CFAP54: variants seen among roughly 807,000 people sequenced by gnomAD.
The protein encoded by CFAP54 is cilia and flagella associated protein 54.
In CFAP54, 290 loss-of-function variants were observed where a neutral mutation model predicts 370.4. The observed-to-expected ratio is 0.78, with a 90% confidence interval of 0.71 to 0.86. The LOEUF (loss-of-function observed/expected upper bound fraction) is 0.86, where lower values mean the gene tolerates loss of function less well. Ranked by LOEUF, CFAP54 falls within the 40% of genes least tolerant of loss-of-function variation. CFAP54 has a pLI of 0.00. For synonymous variants in CFAP54, 1,206 were observed against 1,236.5 expected, an observed-to-expected ratio of 0.98 and a Z score of 0.52; for missense variants, 3,399 against 3,528.7, an observed-to-expected ratio of 0.96 and a Z score of 0.93.
At chr12:96,670,236 C>T (rs6538732) in intron 39 of CFAP54, among the ~76,000 whole-genome samples, 134,982 of 152,240 alleles carry the variant, frequency 0.89, 60,099 homozygotes, top group East Asian at 0.96. Flanking sequence ...GTACATATAC[C>T]GTATGCTTTA....
chr12:96,585,116 C>A (rs544852049), intron 22 of CFAP54, among the ~76,000 whole-genome samples: 16 of 151,610 alleles, frequency 1.1e-4, no homozygotes, highest in African/African-American at 3.9e-4. Flanking sequence ...CGATGTTTGA[C>A]AACTGACTTG....
intron 66 of CFAP54, among the ~76,000 whole-genome samples, chr12:96,854,785 A>G (rs1331745143): frequency 6.6e-6 from 1 of 152,190 alleles, no homozygotes; most frequent in African/African-American, 2.4e-5. Flanking sequence ...TGATATAGGA[A>G]CTATTATAAT....
chr12:96,769,120 A>C (rs1958430013), intron 60 of CFAP54, among the ~76,000 whole-genome samples: 1 of 152,234 alleles, frequency 6.6e-6, no homozygotes, highest in Non-Finnish European at 1.5e-5. Context: ...AATTCAATGC[A>C]AAGAAACCTT....
chr12:96,563,210 T>C (rs1261154618), intron 17 of CFAP54, among the ~76,000 whole-genome samples: 1 of 152,228 alleles, frequency 6.6e-6, no homozygotes, highest in Non-Finnish European at 1.5e-5. Context: ...TTAAAGATAT[T>C]GATGCAAGAC....
At chr12:96,530,526 A>C (rs1955430714) in intron 9 of CFAP54, among the ~76,000 whole-genome samples, 1 of 152,116 alleles carries the variant, frequency 6.6e-6, no homozygotes, top group Non-Finnish European at 1.5e-5. Context: ...GTTACTGCTG[A>C]GTATTATTTT....
At chr12:96,833,184 T>C (rs1458306839) in intron 66 of CFAP54, among the ~76,000 whole-genome samples, 1 of 152,182 alleles carries the variant, frequency 6.6e-6, no homozygotes, top group Non-Finnish European at 1.5e-5. Context: ...TGATTTCTGG[T>C]GAGGCAGCAA....
At chr12:96,824,408 T>A (rs927277462) in intron 65 of CFAP54, among the ~76,000 whole-genome samples, 1 of 152,200 alleles carries the variant, frequency 6.6e-6, no homozygotes, top group Non-Finnish European at 1.5e-5. Context: ...GTGATGTGAA[T>A]TGATTAGTGA....
In CFAP54 at chr12:96,651,632, C is replaced by G; in HGVS notation, c.4917C>G (p.Cys1639Trp). 1.2e-6 allele frequency: 2 copies of G among 1,614,160 alleles called. No individual in the cohort carries two copies. The highest frequency in any genetic ancestry group is 1.7e-6 in the Non-Finnish European group (2 of 1,180,026). ...GCTATTGGACTCTGCTTCAGAACTG[C>G]TGTCGGGCCTTATGGAACTTTACTC... ...RGGYWTLLQN[C>W]CRALWNFTQE... The change falls in exon 36 of 68, where the codon TGC (cysteine) becomes TGG (tryptophan). Residue 1639 changes from cysteine to tryptophan, a missense_variant. Coordinates refer to ENST00000524981, the MANE Select transcript of CFAP54 (RefSeq NM_001306084.2).
In CFAP54 at chr12:96,538,444, A is replaced by T. The variant is rs541409055; in HGVS notation, c.1852A>T (p.Lys618Ter). 3.8e-4 allele frequency: 581 copies of T among 1,536,048 alleles called. 1 individual carries two copies. Among genetic ancestry groups the T allele is most frequent in the Non-Finnish European group, 4.4e-4 (505 of 1,146,760 alleles). ...DTIMFLWQKC[K>*]LGIQRLNISR... Reference sequence around the variant, plus strand: ...GATAATGTTCCTATGGCAGAAATGCAAATTAGGAATTCAGCGGCTCAATAT... The same window carrying T: ...GATAATGTTCCTATGGCAGAAATGCTAATTAGGAATTCAGCGGCTCAATAT... Residue 618 changes from lysine (K) to a stop codon, truncating the protein, a stop_gained, in exon 13 of 68, where the codon AAA (lysine) becomes TAA (stop). Transcript: ENST00000524981. LOFTEE classifies it high-confidence loss of function.
intron 35 of CFAP54, among the ~76,000 whole-genome samples, chr12:96,651,045 A>G (rs1185375354): frequency 6.6e-6 from 1 of 152,134 alleles, no homozygotes; most frequent in Non-Finnish European, 1.5e-5. Context: ...CCACTTTCAC[A>G]TGACTTGTTC....
Position 96,647,946 on chromosome 12 carries a change from C to T in CFAP54, c.4619C>T (p.Thr1540Ile). 4 of 1,522,698 alleles carry T rather than the reference C, an allele frequency of 2.6e-6. No homozygotes were observed. The highest frequency in any genetic ancestry group is 3.5e-6 in the Non-Finnish European group (4 of 1,142,606). The allele number at this position is 1,522,698 out of a possible 1,614,324, so 94.3% of individuals were successfully genotyped here. A position where few individuals can be genotyped will look rare whatever the true frequency, so the allele number is the denominator to read the frequency against. The change falls in exon 34 of 68, where the codon ACT becomes ATT. Residue 1540 changes from threonine to isoleucine, a missense_variant. Around this residue, in one of 3 missense-constraint regions of CFAP54, gnomAD observed 2,796 missense variants for 2,869.7 expected, o/e 0.97. Coordinates refer to ENST00000524981, the MANE Select transcript of CFAP54 (RefSeq NM_001306084.2). Reference protein sequence around the residue: ...SGTVLPTRKLTVENYKAMLDF... With the variant: ...SGTVLPTRKLIVENYKAMLDF... ...ACAGTATTACCAACAAGAAAATTGA[C>T]TGTAGAAAATTATAAAGCAATGCTT...
At chr12:96,709,239 C>A (rs1957582271) in intron 48 of CFAP54, among the ~76,000 whole-genome samples, 1 of 152,106 alleles carries the variant, frequency 6.6e-6, no homozygotes, top group Non-Finnish European at 1.5e-5. Context: ...GCATGTGCAC[C>A]AATAGAGGAA....
In CFAP54 at chr12:96,658,364, C is replaced by G; in HGVS notation, c.5460+18C>G. On this transcript the variant is annotated intron_variant, in intron 38 of 67. Coordinates refer to ENST00000524981, the MANE Select transcript of CFAP54 (RefSeq NM_001306084.2). ...GAGAGAAGGTAAGTTTAAGTTAGTTCTATTATTCATGCTGTTGTGATTTCT... is the reference window on the plus strand; with the variant it reads ...GAGAGAAGGTAAGTTTAAGTTAGTTGTATTATTCATGCTGTTGTGATTTCT... 1.2e-6 allele frequency: 2 copies of G among 1,612,914 alleles called. No homozygotes were observed. The highest frequency in any genetic ancestry group is 1.7e-6 in the Non-Finnish European group (2 of 1,179,242).
chr12:96,633,741 G>A (rs1171449341), intron 32 of CFAP54, among the ~76,000 whole-genome samples: 1 of 152,152 alleles, frequency 6.6e-6, no homozygotes, highest in Non-Finnish European at 1.5e-5. Context: ...ATGCTGTGAT[G>A]AACATTCATG....
At chr12:96,521,114 T>A (rs568073736) in intron 6 of CFAP54, among the ~76,000 whole-genome samples, 5 of 152,356 alleles carry the variant, frequency 3.3e-5, no homozygotes, top group Non-Finnish European at 7.3e-5. Flanking sequence ...TTGGGATTTT[T>A]CTTTATTGGA....
intron 62 of CFAP54, among the ~76,000 whole-genome samples, chr12:96,791,999 G>A (rs1290587227): frequency 1.3e-5 from 2 of 151,948 alleles, no homozygotes; most frequent in Non-Finnish European, 2.9e-5. Flanking sequence ...ACAGGCGCAC[G>A]CCACCATGCC....
chr12:96,653,879 A>G (rs1177262012), intron 36 of CFAP54, among the ~76,000 whole-genome samples: 1 of 152,168 alleles, frequency 6.6e-6, no homozygotes, highest in African/African-American at 2.4e-5. Flanking sequence ...GATGAAGAAC[A>G]AAAGTGAGAA....
At chr12:96,580,301 T>C (rs999422608) in intron 20 of CFAP54, among the ~76,000 whole-genome samples, 4 of 152,112 alleles carry the variant, frequency 2.6e-5, no homozygotes, top group African/African-American at 9.7e-5. Context: ...TCCCATCTCA[T>C]AGAGTTGTGC....
At chr12:96,575,561 T>C (rs1955966275) in intron 19 of CFAP54, among the ~76,000 whole-genome samples, 1 of 152,104 alleles carries the variant, frequency 6.6e-6, no homozygotes, top group African/African-American at 2.4e-5. Context: ...ATAATCATAA[T>C]CAATGTCTAA....
Sources: allele counts gnomAD v4.1 joint callset (sites outside exome capture counted in the v4.1 genomes callset), GRCh38; gene constraint gnomAD v4.1.1; regional missense constraint gnomAD v4.1.1; transcripts MANE v1.5; gene names NCBI Gene and HGNC (gene_info 2026-07-23, HGNC 2026-07-21).